The following C1orf185 variants were observed in gnomAD, a reference collection of about 807,000 sequenced individuals.
The protein encoded by C1orf185 is chromosome 1 open reading frame 185.
C1orf185 carries 13 observed loss-of-function variants against 16.1 expected under a neutral mutation model. The observed-to-expected ratio is 0.81, with a 90% CI of 0.53 to 1.28. The LOEUF is 1.28. Ranked by LOEUF, C1orf185 falls within the 50% of genes most tolerant of loss-of-function variation. The pLI is 0.00. For missense variants in C1orf185, 220 were observed against 225.2 expected, an observed-to-expected ratio of 0.98 and a Z score of 0.15; for synonymous variants, 80 against 76.9, an observed-to-expected ratio of 1.04 and a Z score of -0.21.
intron 3 of C1orf185, among the ~76,000 whole-genome samples, chr1:51,142,350 T>C (rs560436189): frequency 2.7e-4 from 41 of 152,246 alleles, no homozygotes; most frequent in Non-Finnish European, 5.3e-4. Flanking sequence ...ACGACAGTTA[T>C]TTTATACATA....
rs1487469459 is a variant in C1orf185 at position 51,112,527 on chromosome 1, T to C, written c.80T>C (p.Phe27Ser). The C allele has an allele frequency of 1.3e-6, 2 of 1,551,286 alleles. No homozygotes were observed. The highest frequency in any genetic ancestry group is 8.7e-7 in the Non-Finnish European group (1 of 1,146,814). ...GCTGTCACTTTGGGAATTGGTTTCT[T>C]TGCTTTGGCATCAGCTTTGTGGTTC... ...AGAVTLGIGF[F>S]ALASALWFLI... Residue 27 changes from phenylalanine to serine, a missense_variant, in exon 2 of 5, where the codon TTT becomes TCT. By Grantham distance (155) the Phe-to-Ser change is radical. Coordinates refer to ENST00000371759, the MANE Select transcript of C1orf185 (RefSeq NM_001136508.2).
chr1:51,113,593 G>C (rs1646138671), intron 2 of C1orf185, among the ~76,000 whole-genome samples: 1 of 152,110 alleles, frequency 6.6e-6, no homozygotes, highest in Admixed American at 6.5e-5. Context: ...GCTAAGACAG[G>C]AGAATCGCTT....
chr1:51,114,461 G>A (rs779815838), intron 2 of C1orf185, among the ~76,000 whole-genome samples: 2 of 152,278 alleles, frequency 1.3e-5, no homozygotes, highest in Middle Eastern at 3.4e-3. Flanking sequence ...GGTGACTCAC[G>A]TCTGTAATCC....
intron 3 of C1orf185, among the ~76,000 whole-genome samples, chr1:51,132,244 T>C (rs1646291283): frequency 6.6e-6 from 1 of 152,148 alleles, no homozygotes; most frequent in Non-Finnish European, 1.5e-5. Flanking sequence ...CAGGCTGAGA[T>C]GGCTGAAATG....
intron 3 of C1orf185, among the ~76,000 whole-genome samples, chr1:51,140,717 T>C (rs1646358650): frequency 6.6e-6 from 1 of 152,216 alleles, no homozygotes; most frequent in Admixed American, 6.5e-5. Flanking sequence ...TTTGTGCCTT[T>C]CAAGGGATTT....
chr1:51,111,399 G>GTT, intron 1 of C1orf185, among the ~76,000 whole-genome samples: 1 of 113,524 alleles, frequency 8.8e-6, no homozygotes, highest in South Asian at 2.4e-4. Context: ...TGAGAGACAG[G>GTT]TTTTGCTTTG....
intron 3 of C1orf185, among the ~76,000 whole-genome samples, chr1:51,125,888 T>C (rs566895595): frequency 2.6e-5 from 4 of 152,312 alleles, no homozygotes; most frequent in South Asian, 4.1e-4. Flanking sequence ...CTAGGTGCGG[T>C]GGCTCATACT....
intron 3 of C1orf185, among the ~76,000 whole-genome samples, chr1:51,127,967 A>T (rs1646254210): frequency 6.8e-6 from 1 of 147,170 alleles, no homozygotes; most frequent in South Asian, 2.1e-4. Flanking sequence ...AGCTCACTGC[A>T]ACCTGCACCT....
At chr1:51,139,686 T>G (rs1355888022) in intron 3 of C1orf185, among the ~76,000 whole-genome samples, 1 of 152,214 alleles carries the variant, frequency 6.6e-6, no homozygotes, top group African/African-American at 2.4e-5. Context: ...CCCCTAGAGT[T>G]GCTATTGTCT....
rs748102366 is a variant in C1orf185 at position 51,112,588 on chromosome 1, T to C, written c.122+19T>C. 10 of 1,502,780 alleles carry C rather than the reference T, an allele frequency of 6.7e-6. No individual in the cohort carries two copies. Among genetic ancestry groups the C allele is most frequent in the Non-Finnish European group, 8.0e-6 (9 of 1,120,950 alleles). The allele number at this position is 1,502,780 out of a possible 1,614,324, so 93.1% of individuals were successfully genotyped here. On this transcript the variant is annotated intron_variant, in intron 2 of 4. Transcript: ENST00000371759. ...AACGAAGGTAAGGATTATTCGAATA[T>C]TTCTTTAACCTTTTTTTCTTTTAAA...
downstream of C1orf185, among the ~76,000 whole-genome samples, chr1:51,150,195 C>CTT (rs758936836): frequency 5.6e-4 from 80 of 142,256 alleles, no homozygotes; most frequent in South Asian, 9.8e-3. Context: ...GAATGTCTTT[C>CTT]TTTTTTTTTT....
At chr1:51,149,278 T>C (rs142033076), downstream of C1orf185, among the ~76,000 whole-genome samples, 1 of 152,200 alleles carries the variant, frequency 6.6e-6, no homozygotes, top group Non-Finnish European at 1.5e-5. Flanking sequence ...AGATAAATCA[T>C]ACCTCCTACA....
intron 3 of C1orf185, among the ~76,000 whole-genome samples, chr1:51,139,706 A>G (rs1408848760): frequency 6.6e-6 from 1 of 152,120 alleles, no homozygotes; most frequent in Non-Finnish European, 1.5e-5. Context: ...TTAGATTTTC[A>G]TTCTTTCATT....
intron 1 of C1orf185, among the ~76,000 whole-genome samples, chr1:51,106,950 G>C (rs574103008): frequency 9.2e-5 from 14 of 152,128 alleles, no homozygotes; most frequent in East Asian, 7.7e-4. Flanking sequence ...GTAGAGACAG[G>C]GTTTTACCGT....
intron 3 of C1orf185, among the ~76,000 whole-genome samples, chr1:51,130,456 A>G (rs561160817): frequency 6.6e-6 from 1 of 151,938 alleles, no homozygotes; most frequent in African/African-American, 2.4e-5. Flanking sequence ...AGTAGCTGAG[A>G]CTACAGACAT....
chr1:51,104,636 T>C (rs1039267176), intron 1 of C1orf185, among the ~76,000 whole-genome samples: 1 of 152,316 alleles, frequency 6.6e-6, no homozygotes, highest in East Asian at 1.9e-4. Context: ...AGTTTGGCTA[T>C]AAATGGTAAG....
At chr1:51,135,717 G>A (rs1327091535) in intron 3 of C1orf185, among the ~76,000 whole-genome samples, 1 of 152,176 alleles carries the variant, frequency 6.6e-6, no homozygotes, top group Non-Finnish European at 1.5e-5. Context: ...ATGGGCAGAA[G>A]CTGGAAGCAT....
chr1:51,129,174 C>T (rs760190168), intron 3 of C1orf185, among the ~76,000 whole-genome samples: 10 of 152,070 alleles, frequency 6.6e-5, no homozygotes, highest in African/African-American at 1.7e-4. Flanking sequence ...CGAGAGCCAC[C>T]GTGCCTGGCC....
chr1:51,116,739 A>G (rs1403103718), intron 2 of C1orf185, among the ~76,000 whole-genome samples: 1 of 151,704 alleles, frequency 6.6e-6, no homozygotes, highest in Non-Finnish European at 1.5e-5. Flanking sequence ...CTCATCTCCC[A>G]CTTTCCCTCC....
Sources: allele counts gnomAD v4.1 joint callset (sites outside exome capture counted in the v4.1 genomes callset), GRCh38; gene constraint gnomAD v4.1.1; transcripts MANE v1.5; gene names NCBI Gene and HGNC (gene_info 2026-07-23, HGNC 2026-07-21).